The following CSMD2 variants were observed in gnomAD, a reference collection of about 807,000 sequenced individuals.
The protein encoded by CSMD2 is CUB and Sushi multiple domains 2, also known as CUB and sushi domain-containing protein 2.
In CSMD2, 130 loss-of-function variants were observed where a neutral mutation model predicts 398.5. The observed-to-expected ratio is 0.33, with a 90% CI of 0.28 to 0.38. CSMD2 has a LOEUF of 0.38. Among genes scored for constraint, CSMD2 ranks in the 10% least tolerant of loss-of-function variants. The probability of loss-of-function intolerance (pLI) is 1.00; values close to 1 mark genes in which losing one functional copy is unlikely to be tolerated. For missense variants in CSMD2, 3,829 were observed against 4,764.9 expected (o/e 0.80, Z 5.78); for synonymous variants, 1,828 against 1,908.5 (o/e 0.96, Z 1.10).
intron 3 of CSMD2, among the ~76,000 whole-genome samples, chr1:33,938,167 C>G (rs907269844): frequency 6.6e-6 from 1 of 152,230 alleles, no homozygotes; most frequent in Non-Finnish European, 1.5e-5. Flanking sequence ...TTTACCTGTG[C>G]CAAGTGAGAT....
intron 21 of CSMD2, chr1:33,709,626 CA>C: frequency 2.9e-6 from 1 of 343,398 alleles, no homozygotes; most frequent in Non-Finnish European, 5.3e-6. Context: ...AGGAGGAGGT[CA>C]GGGGAAGAGG....
intron 1 of CSMD2, among the ~76,000 whole-genome samples, chr1:34,130,723 A>G (rs1663262082): frequency 6.6e-6 from 1 of 152,068 alleles, no homozygotes. Context: ...CCTGCGCTCA[A>G]TGCCTTCCCT....
chr1:33,594,356 C>T (rs1480997232), intron 44 of CSMD2, among the ~76,000 whole-genome samples: 1 of 152,096 alleles, frequency 6.6e-6, no homozygotes, highest in Non-Finnish European at 1.5e-5. Flanking sequence ...TTAAACATCA[C>T]CTCCTTCATT....
chr1:33,919,423 C>A (rs1643871724), intron 4 of CSMD2, among the ~76,000 whole-genome samples: 1 of 152,204 alleles, frequency 6.6e-6, no homozygotes, highest in Non-Finnish European at 1.5e-5. Context: ...TAAAAGTGAT[C>A]TTGTTTAGCA....
In CSMD2 at chr1:33,633,258, C is replaced by T. The variant is rs1213865328; in HGVS notation, c.5200+164G>A. On this transcript the variant is annotated intron_variant, in intron 32 of 70. Transcript: ENST00000373381. This position sits in a 1 kb window ranked among gnomAD's most constrained non-coding sequence, Gnocchi z 5.0. Reference sequence around the variant, plus strand: ...TGAAGGCCCCGCTAGTTGGAGCTCTCACGAGCTGGCTGCTGCGTTGTAGAC... The same window carrying T: ...TGAAGGCCCCGCTAGTTGGAGCTCTTACGAGCTGGCTGCTGCGTTGTAGAC... Among the ~76,000 whole-genome samples, 1 of 152,170 alleles carries T rather than the reference C, an allele frequency of 6.6e-6. No individual in the cohort carries two copies. The highest frequency in any genetic ancestry group is 2.4e-5 in the African/African-American group (1 of 41,446).
intron 2 of CSMD2, among the ~76,000 whole-genome samples, chr1:34,071,570 C>A (rs540910854): frequency 2.0e-5 from 3 of 152,282 alleles, no homozygotes; most frequent in African/African-American, 7.2e-5. Flanking sequence ...GCTTTCTGCC[C>A]AGACCTGGAA....
At chr1:33,784,772 C>G (rs1016990326) in intron 12 of CSMD2, among the ~76,000 whole-genome samples, 4 of 152,140 alleles carry the variant, frequency 2.6e-5, no homozygotes, top group African/African-American at 9.7e-5. Context: ...TGGTGACACC[C>G]CCAGGGAAGG....
At chr1:33,535,744 CCCCCAGGCTGCTAAGCA>C (rs1655707814) in intron 62 of CSMD2, among the ~76,000 whole-genome samples, 1 of 152,310 alleles carries the variant, frequency 6.6e-6, no homozygotes, top group South Asian at 2.1e-4. Context: ...ACTTTCCAGG[CCCCCAGGCTGCTAAGCA>C]CTTCCCTCAG....
intron 2 of CSMD2, among the ~76,000 whole-genome samples, chr1:34,049,744 T>A (rs1652963407): frequency 6.6e-6 from 1 of 152,214 alleles, no homozygotes; most frequent in Admixed American, 6.5e-5. Context: ...TGTCATACTC[T>A]GCCAGTTGCT....
chr1:33,985,856 A>G (rs1252744952), intron 3 of CSMD2, among the ~76,000 whole-genome samples: 2 of 152,004 alleles, frequency 1.3e-5, no homozygotes, highest in Non-Finnish European at 2.9e-5. Context: ...CCCCACCCTT[A>G]GAGGAATGCA....
intron 13 of CSMD2, chr1:33,771,976 A>C (rs1651331850): frequency 6.6e-6 from 1 of 152,336 alleles, no homozygotes; most frequent in East Asian, 1.9e-4. Context: ...AGGTCATCCA[A>C]GAGGAAGGAA....
intron 42 of CSMD2, among the ~76,000 whole-genome samples, chr1:33,603,909 A>G (rs193276583): frequency 6.6e-6 from 1 of 152,370 alleles, no homozygotes; most frequent in East Asian, 1.9e-4. Context: ...AACATGGCAC[A>G]TTGGAAAACA....
At chr1:33,993,000 A>C (rs1183874471) in intron 3 of CSMD2, among the ~76,000 whole-genome samples, 1 of 152,236 alleles carries the variant, frequency 6.6e-6, no homozygotes, top group Non-Finnish European at 1.5e-5. Flanking sequence ...CAAGTTTCAG[A>C]ATAGTACATC....
intron 5 of CSMD2, among the ~76,000 whole-genome samples, chr1:33,874,348 G>A (rs781692522): frequency 8.5e-5 from 13 of 152,266 alleles, no homozygotes; most frequent in Non-Finnish European, 8.8e-5. Context: ...CAATGAGAGC[G>A]GTACTTTAAA....
intron 5 of CSMD2, among the ~76,000 whole-genome samples, chr1:33,911,530 G>A (rs1034289296): frequency 3.9e-5 from 6 of 152,078 alleles, no homozygotes; most frequent in Admixed American, 1.3e-4. Context: ...TTTTTGTATC[G>A]CCACCTACAA....
At chr1:33,652,498 T>C (rs1326358404) in intron 27 of CSMD2, 37 bp from the exon 28 acceptor site, 5 of 1,608,696 alleles carry the variant, frequency 3.1e-6, no homozygotes, top group Non-Finnish European at 4.3e-6. Context: ...GGCTGCCTCT[T>C]CACCCTGGGC....
chr1:33,714,337 ATTT>A (rs1646089990), intron 21 of CSMD2, among the ~76,000 whole-genome samples: 1 of 152,182 alleles, frequency 6.6e-6, no homozygotes, highest in South Asian at 2.1e-4. Flanking sequence ...TGTGGACCTA[ATTT>A]GTAAAGGTCA....
At chr1:33,894,356 C>T (rs1642240817) in intron 5 of CSMD2, among the ~76,000 whole-genome samples, 1 of 152,172 alleles carries the variant, frequency 6.6e-6, no homozygotes, top group South Asian at 2.1e-4. Context: ...TGTCTGCATC[C>T]CTGTGCTCGA....
At chr1:34,165,705 G>T, upstream of CSMD2, 1 of 1,597,778 alleles carries the variant, frequency 6.3e-7, no homozygotes, top group Non-Finnish European at 8.6e-7. Context: ...TCTGGGAAAA[G>T]GTAACCAAAG....
Sources: gnomAD v4.1 joint callset for allele counts (sites outside exome capture counted in the v4.1 genomes callset) on GRCh38, gnomAD v4.1.1 for gene constraint, Gnocchi (gnomAD v3.1) non-coding constraint, MANE v1.5 for transcripts, NCBI Gene and HGNC (gene_info 2026-07-23, HGNC 2026-07-21) for gene names.